ANKS1B: variants seen among roughly 807,000 people sequenced by gnomAD.
ANKS1B encodes ankyrin repeat and sterile alpha motif domain-containing protein 1B.
Under a neutral mutation model 148.3 loss-of-function variants are expected in ANKS1B, and 36 were observed. The observed-to-expected ratio is 0.24, with a 90% CI of 0.19 to 0.32. The LOEUF (loss-of-function observed/expected upper bound fraction) is 0.32, where lower values mean the gene tolerates loss of function less well. Among genes scored for constraint, ANKS1B ranks in the 10% least tolerant of loss-of-function variants. ANKS1B has a pLI of 1.00. For synonymous variants in ANKS1B, 542 were observed against 560.8 expected (o/e 0.97, Z 0.47); for missense variants, 1,157 against 1,542.6 (o/e 0.75, Z 4.19).
chr12:99,900,399 A>T (rs1000438284), intron 1 of ANKS1B, among the ~76,000 whole-genome samples: 4 of 149,366 alleles, frequency 2.7e-5, no homozygotes, highest in Admixed American at 2.0e-4. Flanking sequence ...CCAGCTACTC[A>T]GGAGGCTGAG....
chr12:99,501,116 G>A (rs989475426), intron 10 of ANKS1B, among the ~76,000 whole-genome samples: 2 of 151,506 alleles, frequency 1.3e-5, no homozygotes, highest in Non-Finnish European at 2.9e-5. Context: ...CAATATGCTA[G>A]GTCATTTTCT....
At chr12:99,928,874 A>G (rs1300808707) in intron 1 of ANKS1B, among the ~76,000 whole-genome samples, 4 of 152,176 alleles carry the variant, frequency 2.6e-5, no homozygotes, top group African/African-American at 9.7e-5. Context: ...ATCCTAGAAT[A>G]GGTAAGAGAG....
At chr12:99,748,009 AT>A (rs2060759635) in intron 8 of ANKS1B, among the ~76,000 whole-genome samples, 1 of 152,026 alleles carries the variant, frequency 6.6e-6, no homozygotes, top group South Asian at 2.1e-4. Flanking sequence ...TTCACTTTCT[AT>A]TCTTAAAGGT....
At position 98,801,237 on chromosome 12, in the gene ANKS1B, T is replaced by C. The variant is rs1190171767; in HGVS notation, c.3142-112A>G. ...GTGCTGTGAATGTACCAAAATGCAT[T>C]TGGGTGTCTTATGTGAATATAAATA... On this transcript the variant is annotated intron_variant, in intron 20 of 26. Coordinates refer to ENST00000683438, the MANE Select transcript of ANKS1B (RefSeq NM_001352186.2). This position sits in a 1 kb window ranked among gnomAD's most constrained non-coding sequence, Gnocchi z 5.2. 7.8e-6 allele frequency: 8 copies of C among 1,026,086 alleles called. No individual in the cohort carries two copies. Among genetic ancestry groups the C allele is most frequent in the Non-Finnish European group, 1.1e-5 (8 of 718,022 alleles). 63.6% of individuals were successfully genotyped at this position (1,026,086 alleles called of 1,614,324 possible).
At chr12:99,576,188 A>G (rs946808339) in intron 9 of ANKS1B, among the ~76,000 whole-genome samples, 4 of 152,134 alleles carry the variant, frequency 2.6e-5, no homozygotes, top group African/African-American at 9.7e-5. Flanking sequence ...TCAATTCAAC[A>G]AGAATACTTA....
chr12:99,841,135 G>T (rs2085677229), intron 1 of ANKS1B, among the ~76,000 whole-genome samples: 1 of 151,988 alleles, frequency 6.6e-6, no homozygotes. Context: ...GAATATACCA[G>T]TAATAGCTAG....
In ANKS1B at chr12:98,778,874, C is replaced by T. The variant is rs75007792; in HGVS notation, c.3441+2243G>A. On this transcript the variant is annotated intron_variant, in intron 24 of 26. Coordinates refer to ENST00000683438, the MANE Select transcript of ANKS1B (RefSeq NM_001352186.2). ...CAACTACTAGACTATTGCCCTGAGTCACCCACACTCTCCCTACCCACTGTC... is the reference window on the plus strand; with the variant it reads ...CAACTACTAGACTATTGCCCTGAGTTACCCACACTCTCCCTACCCACTGTC... 4.3e-3 allele frequency among the ~76,000 whole-genome samples: 651 copies of T among 152,342 alleles called. 11 individuals are homozygous for T. The highest frequency in any genetic ancestry group is 0.015 in the African/African-American group (609 of 41,584).
intron 17 of ANKS1B, among the ~76,000 whole-genome samples, chr12:98,972,208 T>C (rs1215226616): frequency 6.6e-6 from 1 of 152,138 alleles, no homozygotes; most frequent in Non-Finnish European, 1.5e-5. Context: ...TATGAACAGA[T>C]AATATGCTCA....
chr12:99,592,574 G>A (rs955057585), intron 9 of ANKS1B, among the ~76,000 whole-genome samples: 1 of 151,918 alleles, frequency 6.6e-6, no homozygotes, highest in African/African-American at 2.4e-5. Context: ...AAAGGGTTCT[G>A]AAGAAAAAGA....
intron 8 of ANKS1B, among the ~76,000 whole-genome samples, chr12:99,761,404 T>C (rs1023868214): frequency 1.3e-5 from 2 of 151,996 alleles, no homozygotes; most frequent in Non-Finnish European, 2.9e-5. Flanking sequence ...TACAAACCAA[T>C]AAATGGGATT....
At chr12:99,208,620 A>G (rs1480417104) in intron 14 of ANKS1B, among the ~76,000 whole-genome samples, 1 of 152,146 alleles carries the variant, frequency 6.6e-6, no homozygotes, top group Non-Finnish European at 1.5e-5. Context: ...AGTTTCTGAT[A>G]ATGTTAAGGT....
At chr12:99,815,081 G>A in intron 2 of ANKS1B, among the ~76,000 whole-genome samples, 1 of 151,650 alleles carries the variant, frequency 6.6e-6, no homozygotes, top group East Asian at 1.9e-4. Flanking sequence ...CTCCTATAAA[G>A]CATTTCCTTT....
chr12:99,266,563 G>A (rs754819313), intron 12 of ANKS1B, among the ~76,000 whole-genome samples: 39 of 152,036 alleles, frequency 2.6e-4, no homozygotes, highest in Non-Finnish European at 4.1e-4. Flanking sequence ...TGCTGTATTG[G>A]TTTCTTGGCC....
chr12:99,955,386 G>C lies in ANKS1B; in HGVS notation c.134+28718C>G, dbSNP rs575984794. On this transcript the variant is annotated intron_variant, in intron 1 of 26. Transcript: ENST00000683438. The stretch of plus-strand genomic sequence containing the variant: ...CGCGCGCCTGTAGTCCCAGCTACTC[G>C]GGAGGCTGAGGCAGGAGAATGGCGT... Among the ~76,000 whole-genome samples, 31 of 150,786 alleles carry C rather than the reference G, an allele frequency of 2.1e-4. No individual in the cohort carries two copies. In the South Asian group the frequency reaches 2.1e-3, roughly 10 times the overall value.
rs1332776464 is a variant in ANKS1B at position 98,967,170 on chromosome 12, AC to A, written c.2778+85986del. On this transcript the variant is annotated intron_variant, in intron 17 of 26. Transcript: ENST00000683438. ...TTTGACAATCCCAAGCCTTGAAACT[AC>A]CTAAAGGCTCCTTCTGAGTCAAATA... Among the ~76,000 whole-genome samples the A allele has an allele frequency of 1.4e-4, 21 of 152,278 alleles. No individual in the cohort carries two copies. The South Asian group carries it at 4.2e-3, about 30-fold the overall frequency.
chr12:99,948,545 C>T (rs926441466), intron 1 of ANKS1B, among the ~76,000 whole-genome samples: 5 of 152,180 alleles, frequency 3.3e-5, no homozygotes, highest in African/African-American at 1.2e-4. Flanking sequence ...CAGCACCTAG[C>T]GTAGCCTTGC....
intron 8 of ANKS1B, among the ~76,000 whole-genome samples, chr12:99,714,694 G>C (rs906358224): frequency 5.9e-5 from 9 of 152,160 alleles, no homozygotes; most frequent in African/African-American, 2.2e-4. Context: ...ACCAGCCTTT[G>C]CCCTGTCTTG....
At chr12:99,649,000 T>TCTTA (rs2098400342) in intron 9 of ANKS1B, among the ~76,000 whole-genome samples, 1 of 152,158 alleles carries the variant, frequency 6.6e-6, no homozygotes, top group Non-Finnish European at 1.5e-5. Flanking sequence ...TTCAGAGATT[T>TCTTA]CTTAGCTGTC....
intron 12 of ANKS1B, among the ~76,000 whole-genome samples, chr12:99,344,636 C>A (rs1029858774): frequency 2.0e-5 from 3 of 151,968 alleles, no homozygotes; most frequent in African/African-American, 4.8e-5. Flanking sequence ...TACTTTTGGG[C>A]AACAAATACA....
Sources: gnomAD v4.1 joint callset for allele counts (sites outside exome capture counted in the v4.1 genomes callset) on GRCh38, gnomAD v4.1.1 for gene constraint, Gnocchi (gnomAD v3.1) non-coding constraint, MANE v1.5 for transcripts, NCBI Gene and HGNC (gene_info 2026-07-23, HGNC 2026-07-21) for gene names.